TRAPPC9: variants seen among roughly 807,000 people sequenced by gnomAD.
The protein encoded by TRAPPC9 is IKK2 binding protein.
A neutral mutation model predicts 124.0 loss-of-function variants in TRAPPC9; 83 were observed. The observed-to-expected ratio is 0.67, with a 90% CI of 0.56 to 0.80. TRAPPC9 has a LOEUF of 0.80. Among genes scored for constraint, TRAPPC9 ranks in the 30% least tolerant of loss-of-function variants. The probability of loss-of-function intolerance (pLI) is 0.00; values close to 1 mark genes in which losing one functional copy is unlikely to be tolerated. For missense variants in TRAPPC9, 1,302 were observed against 1,508.3 expected (o/e 0.86, Z 2.27); for synonymous variants, 638 against 617.5 (o/e 1.03, Z -0.49).
At chr8:139,890,456 C>T (rs1188401638) in intron 20 of TRAPPC9, among the ~76,000 whole-genome samples, 1 of 152,226 alleles carries the variant, frequency 6.6e-6, no homozygotes, top group African/African-American at 2.4e-5. Flanking sequence ...GCCAGCCAAG[C>T]CCCAGACTTG....
At chr8:140,184,800 T>G (rs991875146) in intron 17 of TRAPPC9, among the ~76,000 whole-genome samples, 5 of 152,060 alleles carry the variant, frequency 3.3e-5, no homozygotes, top group Non-Finnish European at 7.4e-5. Context: ...ATAAGGTCCA[T>G]GAATTATTAC....
At chr8:139,757,964 A>T (rs1017318498) in intron 21 of TRAPPC9, among the ~76,000 whole-genome samples, 2 of 152,198 alleles carry the variant, frequency 1.3e-5, no homozygotes, top group South Asian at 4.1e-4. Flanking sequence ...CAGTGATTAA[A>T]AATGTGTCCC....
intron 15 of TRAPPC9, among the ~76,000 whole-genome samples, chr8:140,259,712 G>C (rs1315383267): frequency 6.6e-6 from 1 of 152,144 alleles, no homozygotes; most frequent in African/African-American, 2.4e-5. Context: ...CCCTTTATCA[G>C]AGCTGTGTGG....
At chr8:139,757,058 G>A (rs1176059959) in intron 21 of TRAPPC9, among the ~76,000 whole-genome samples, 9 of 132,266 alleles carry the variant, frequency 6.8e-5, no homozygotes, top group Non-Finnish European at 8.1e-5. Context: ...GCCAGGGTTT[G>A]GGGATGAGGA....
At chr8:140,272,073 ATGG>A (rs1412523694) in intron 15 of TRAPPC9, among the ~76,000 whole-genome samples, 1 of 86,052 alleles carries the variant, frequency 1.2e-5, no homozygotes, top group Non-Finnish European at 2.3e-5. Context: ...GATGGTGATG[ATGG>A]TGGTGGTTGT....
chr8:140,012,533 C>G (rs1563688387), intron 18 of TRAPPC9, among the ~76,000 whole-genome samples: 1 of 152,194 alleles, frequency 6.6e-6, no homozygotes, highest in African/African-American at 2.4e-5. Context: ...ATAAGGAGGC[C>G]CGCTTTATAA....
chr8:139,948,296 C>T, intron 19 of TRAPPC9, among the ~76,000 whole-genome samples: 1 of 147,042 alleles, frequency 6.8e-6, no homozygotes, highest in East Asian at 2.0e-4. Flanking sequence ...CACACACACA[C>T]TGTGACGTAC....
At chr8:139,896,485 T>C (rs572255482) in intron 20 of TRAPPC9, among the ~76,000 whole-genome samples, 3 of 152,298 alleles carry the variant, frequency 2.0e-5, no homozygotes, top group African/African-American at 7.2e-5. Flanking sequence ...GGGTATGAGA[T>C]AGGTACTGTT....
At chr8:140,072,763 G>A (rs1171749185) in intron 17 of TRAPPC9, among the ~76,000 whole-genome samples, 1 of 149,478 alleles carries the variant, frequency 6.7e-6, no homozygotes, top group Non-Finnish European at 1.5e-5. Flanking sequence ...ATAAATATAT[G>A]TGCATATGTA....
At chr8:140,444,688 C>T (rs541642973) in intron 2 of TRAPPC9, among the ~76,000 whole-genome samples, 2 of 151,770 alleles carry the variant, frequency 1.3e-5, no homozygotes, top group South Asian at 2.1e-4. Context: ...TGGTGAGACC[C>T]CCCCCATCTC....
chr8:140,073,319 A>G (rs888893596), intron 17 of TRAPPC9, among the ~76,000 whole-genome samples: 3 of 152,262 alleles, frequency 2.0e-5, no homozygotes, highest in South Asian at 2.1e-4. Flanking sequence ...ATGTCTATCA[A>G]TAGGAGAATA....
intron 8 of TRAPPC9, among the ~76,000 whole-genome samples, chr8:140,364,411 CTT>C (rs1385067400): frequency 1.3e-5 from 2 of 151,522 alleles, no homozygotes; most frequent in South Asian, 2.1e-4. Context: ...TTAAAATACA[CTT>C]TCTTATCACT....
chr8:139,753,748 G>A (rs11782808), intron 21 of TRAPPC9, among the ~76,000 whole-genome samples: 7,751 of 152,250 alleles, frequency 0.051, 237 homozygotes, highest in South Asian at 0.12. Flanking sequence ...TACAAGTCCC[G>A]GAATCCTCAT....
At chr8:140,226,693 C>A (rs2063461832) in intron 16 of TRAPPC9, among the ~76,000 whole-genome samples, 1 of 151,274 alleles carries the variant, frequency 6.6e-6, no homozygotes, top group African/African-American at 2.4e-5. Flanking sequence ...CATTGAGATA[C>A]CCTGGGCAAC....
intron 21 of TRAPPC9, among the ~76,000 whole-genome samples, chr8:139,774,547 G>A (rs550894323): frequency 5.9e-5 from 9 of 152,064 alleles, no homozygotes; most frequent in Non-Finnish European, 1.2e-4. Flanking sequence ...CCCGCTGACC[G>A]CCAGCGACAG....
Position 139,826,884 on chromosome 8 carries a change from C to T in TRAPPC9, c.3055+58995G>A, listed in dbSNP as rs544280641. 5.3e-5 allele frequency among the ~76,000 whole-genome samples: 8 copies of T among 152,176 alleles called. No individual in the cohort carries two copies. The East Asian group carries it at 9.7e-4, about 18-fold the overall frequency. On this transcript the variant is annotated intron_variant, in intron 21 of 22. Coordinates refer to ENST00000438773, the MANE Select transcript of TRAPPC9 (RefSeq NM_001160372.4). ...AGTACAGAGAGCAAGGCACAGAAGC[C>T]GGAGACACACCATGGGGAGGGAGAA...
At chr8:140,078,068 A>G (rs989670459) in intron 17 of TRAPPC9, among the ~76,000 whole-genome samples, 7 of 152,222 alleles carry the variant, frequency 4.6e-5, no homozygotes, top group African/African-American at 1.4e-4. Context: ...CATGCAGTTC[A>G]TCTCCATTTA....
At chr8:140,176,650 G>C (rs1376861139) in intron 17 of TRAPPC9, among the ~76,000 whole-genome samples, 1 of 152,200 alleles carries the variant, frequency 6.6e-6, no homozygotes. Flanking sequence ...GTGAATCCGT[G>C]TTTTCATTTT....
At chr8:140,033,595 T>C (rs780862118) in intron 17 of TRAPPC9, among the ~76,000 whole-genome samples, 6 of 138,578 alleles carry the variant, frequency 4.3e-5, no homozygotes, top group Non-Finnish European at 9.2e-5. Flanking sequence ...AAAGTTAGAA[T>C]ACAAAATTTG....
Sources: allele counts gnomAD v4.1 joint callset (sites outside exome capture counted in the v4.1 genomes callset), GRCh38; gene constraint gnomAD v4.1.1; transcripts MANE v1.5; gene names NCBI Gene and HGNC (gene_info 2026-07-23, HGNC 2026-07-21).